The following PTPRD variants were observed in gnomAD, a reference collection of about 807,000 sequenced individuals.
The protein encoded by PTPRD is receptor-type tyrosine-protein phosphatase delta.
A neutral mutation model predicts 214.5 loss-of-function variants in PTPRD; 34 were observed. The observed-to-expected ratio is 0.16, with a 90% CI of 0.12 to 0.21. The LOEUF is 0.21. Ranked by LOEUF, PTPRD falls within the 10% of genes least tolerant of loss-of-function variation. The pLI is 1.00. For synonymous variants in PTPRD, 1,128 were observed against 845.7 expected, an observed-to-expected ratio of 1.33 and a Z score of -5.79; for missense variants, 2,545 against 2,398.7, an observed-to-expected ratio of 1.06 and a Z score of -1.27.
chr9:9,509,839 T>C (rs189194024), intron 8 of PTPRD, among the ~76,000 whole-genome samples: 4 of 151,752 alleles, frequency 2.6e-5, no homozygotes, highest in African/African-American at 9.6e-5. Flanking sequence ...TGCTGTCCTA[T>C]ACAATTACTT....
intron 5 of PTPRD, among the ~76,000 whole-genome samples, chr9:9,926,617 A>T (rs2084401455): frequency 6.6e-6 from 1 of 152,216 alleles, no homozygotes; most frequent in African/African-American, 2.4e-5. Context: ...GAGAAAGGGT[A>T]GAAATAAAAA....
rs116295609 is a variant in PTPRD, at chr9:9,840,491, G to T, written c.-367-73640C>A. Among the ~76,000 whole-genome samples, 1,234 of 152,150 alleles carry T rather than the reference G, an allele frequency of 8.1e-3. 19 individuals carry two copies. Among genetic ancestry groups the T allele is most frequent in the African/African-American group, 0.028 (1,167 of 41,516 alleles). On this transcript the variant is annotated intron_variant, in intron 5 of 45. Coordinates refer to ENST00000381196, the MANE Select transcript of PTPRD (RefSeq NM_002839.4). Reference sequence around the variant, plus strand: ...AATGTGATTTGCCTAATAATGGCATGCCTGAGTTTATTCTTACATTATGTT... The same window carrying T: ...AATGTGATTTGCCTAATAATGGCATTCCTGAGTTTATTCTTACATTATGTT...
intron 3 of PTPRD, among the ~76,000 whole-genome samples, chr9:10,339,484 A>G (rs1427367709): frequency 1.3e-5 from 2 of 151,750 alleles, no homozygotes; most frequent in African/African-American, 4.8e-5. Context: ...AAGACTTCTT[A>G]TCTTGGAAGA....
intron 7 of PTPRD, among the ~76,000 whole-genome samples, chr9:9,709,668 G>A (rs1053540097): frequency 6.6e-6 from 1 of 151,976 alleles, no homozygotes; most frequent in Non-Finnish European, 1.5e-5. Flanking sequence ...GGGTGATGGA[G>A]CAGATCATTT....
chr9:9,287,366 A>G (rs1949829914), intron 9 of PTPRD, among the ~76,000 whole-genome samples: 1 of 151,844 alleles, frequency 6.6e-6, no homozygotes, highest in Admixed American at 6.6e-5. Flanking sequence ...TTGCTGTAAT[A>G]TTTATTAATA....
intron 3 of PTPRD, among the ~76,000 whole-genome samples, chr9:10,070,552 TAAC>T (rs756988189): frequency 3.4e-4 from 52 of 152,094 alleles, no homozygotes; most frequent in Admixed American, 5.9e-4. Context: ...ATGCATAAAT[TAAC>T]AACATTATAT....
At chr9:8,431,774 C>A (rs1219275121) in intron 35 of PTPRD, among the ~76,000 whole-genome samples, 1 of 152,148 alleles carries the variant, frequency 6.6e-6, no homozygotes, top group African/African-American at 2.4e-5. Context: ...ATTTCTGGGG[C>A]TGGGACCAGG....
At chr9:8,487,874 G>A (rs1306212896) in intron 27 of PTPRD, among the ~76,000 whole-genome samples, 1 of 151,708 alleles carries the variant, frequency 6.6e-6, no homozygotes, top group African/African-American at 2.4e-5. Context: ...ATCTCTACGG[G>A]GGGAGGGGGG....
chr9:9,451,730 C>T (rs1435690539), intron 8 of PTPRD, among the ~76,000 whole-genome samples: 1 of 151,304 alleles, frequency 6.6e-6, no homozygotes, highest in Non-Finnish European at 1.5e-5. Context: ...AGTTAGAAAG[C>T]ATTAAATTAA....
At chr9:9,934,501 A>G (rs1213906476) in intron 5 of PTPRD, among the ~76,000 whole-genome samples, 8 of 149,490 alleles carry the variant, frequency 5.4e-5, no homozygotes, top group South Asian at 2.1e-4. Context: ...TCCTCGACAC[A>G]TACACTCTCC....
intron 4 of PTPRD, among the ~76,000 whole-genome samples, chr9:10,032,387 A>T (rs950449752): frequency 1.3e-5 from 2 of 152,196 alleles, no homozygotes; most frequent in African/African-American, 4.8e-5. Flanking sequence ...ACTTGCCAAG[A>T]TATCTTTGGA....
intron 8 of PTPRD, among the ~76,000 whole-genome samples, chr9:9,424,623 G>C (rs887543394): frequency 1.3e-5 from 2 of 152,212 alleles, no homozygotes; most frequent in Admixed American, 1.3e-4. Flanking sequence ...ACGGTGAAAG[G>C]CTAAGGGTGA....
intron 10 of PTPRD, among the ~76,000 whole-genome samples, chr9:9,145,801 A>T (rs2099867635): frequency 1.3e-5 from 2 of 152,228 alleles, no homozygotes; most frequent in South Asian, 4.1e-4. Context: ...GTTCAAATTC[A>T]TAGGATGTTC....
intron 5 of PTPRD, among the ~76,000 whole-genome samples, chr9:9,793,444 C>T (rs1051288335): frequency 6.6e-6 from 1 of 151,948 alleles, no homozygotes; most frequent in South Asian, 2.1e-4. Flanking sequence ...TTAAAATGCC[C>T]ACACATATGT....
At chr9:8,601,762 G>C (rs547453646) in intron 14 of PTPRD, among the ~76,000 whole-genome samples, 4 of 152,128 alleles carry the variant, frequency 2.6e-5, no homozygotes, top group Admixed American at 6.6e-5. Context: ...TAAACGAATA[G>C]CATAGAATTC....
In PTPRD at chr9:9,390,517, A is replaced by G. The variant is rs541469762; in HGVS notation, c.-203+6932T>C. On this transcript the variant is annotated intron_variant, in intron 9 of 45. Transcript: ENST00000381196. ...TCCTAAAGTATTCATAGAAACAATAAAAGATAAGAGAGTAAGAGAAAAGAA... is the reference window on the plus strand; with the variant it reads ...TCCTAAAGTATTCATAGAAACAATAGAAGATAAGAGAGTAAGAGAAAAGAA... 3.9e-5 allele frequency among the ~76,000 whole-genome samples: 6 copies of G among 152,314 alleles called. No homozygotes were observed. In the East Asian group the frequency reaches 1.2e-3, roughly 29 times the overall value.
intron 3 of PTPRD, among the ~76,000 whole-genome samples, chr9:10,093,523 A>G (rs149350016): frequency 4.6e-5 from 7 of 151,622 alleles, no homozygotes; most frequent in East Asian, 2.0e-4. Flanking sequence ...TTCAGCCACT[A>G]TGGAAAACTG....
intron 2 of PTPRD, among the ~76,000 whole-genome samples, chr9:10,546,469 TC>T (rs1419113662): frequency 6.8e-6 from 1 of 146,594 alleles, no homozygotes; most frequent in Non-Finnish European, 1.5e-5. Context: ...CACAGAGAAA[TC>T]TTTACTGCAA....
intron 3 of PTPRD, among the ~76,000 whole-genome samples, chr9:10,314,890 G>T (rs1327110944): frequency 1.3e-5 from 2 of 151,828 alleles, no homozygotes; most frequent in Admixed American, 1.3e-4. Flanking sequence ...TTTCAGAATT[G>T]CAGGTTTTCT....
Sources: gnomAD v4.1 joint callset for allele counts (sites outside exome capture counted in the v4.1 genomes callset) on GRCh38, gnomAD v4.1.1 for gene constraint, MANE v1.5 for transcripts, NCBI Gene and HGNC (gene_info 2026-07-23, HGNC 2026-07-21) for gene names.